Variants in GK observed in about 807,000 individuals in gnomAD.
GK encodes glycerol kinase, also known as ATP:glycerol 3-phosphotransferase.
GK carries 9 observed loss-of-function variants against 56.4 expected under a neutral mutation model. The ratio of observed to expected loss-of-function variants is 0.16; its 90% CI spans 0.10 to 0.28. GK has a LOEUF of 0.28. GK is among the 10% of genes least tolerant of loss of function. GK has a pLI of 1.00. For missense variants in GK, 161 were observed against 431.4 expected, an observed-to-expected ratio of 0.37 and a Z score of 5.55; for synonymous variants, 104 against 144.1, an observed-to-expected ratio of 0.72 and a Z score of 1.99.
chrX:30,686,033 T>A (rs1199949330), intron 4 of GK, among the ~76,000 whole-genome samples: 1 of 112,631 alleles, frequency 8.9e-6, no homozygotes, highest in Non-Finnish European at 1.9e-5. Context: ...TGATAGGTGT[T>A]CCTAGGGGAA....
At chrX:30,719,889 T>C (rs1601950140) in intron 15 of GK, 122 bp from the exon 16 acceptor site, 2 of 524,181 alleles carry the variant, frequency 3.8e-6, no homozygotes, top group African/African-American at 4.6e-5. Context: ...ACTTAATGAT[T>C]ATGTCCAATT....
At chrX:30,726,412 C>T (rs760613478) in intron 19 of GK, among the ~76,000 whole-genome samples, 40 of 108,965 alleles carry the variant, frequency 3.7e-4, no homozygotes, top group Non-Finnish European at 6.7e-4. Flanking sequence ...CTCAGCCTCC[C>T]GAGTAGCTGG....
intron 1 of GK, among the ~76,000 whole-genome samples, chrX:30,657,322 A>G (rs1030587936): frequency 1.8e-5 from 2 of 112,494 alleles, no homozygotes; most frequent in Non-Finnish European, 3.7e-5. Context: ...TATGCTTTGT[A>G]CAAGCGGAAA....
At chrX:30,701,963 T>C (rs1414482475) in intron 11 of GK, among the ~76,000 whole-genome samples, 1 of 112,373 alleles carries the variant, frequency 8.9e-6, no homozygotes, top group Admixed American at 9.4e-5. Context: ...CTGGCACTCT[T>C]TCTTTCTGTT....
At chrX:30,715,115 A>G (rs1050228838) in intron 13 of GK, among the ~76,000 whole-genome samples, 1 of 111,862 alleles carries the variant, frequency 8.9e-6, no homozygotes, top group Non-Finnish European at 1.9e-5. Context: ...AATTTAGGGT[A>G]ATCTTTACTT....
intron 4 of GK, chrX:30,678,194 T>C: frequency 2.5e-6 from 1 of 406,646 alleles, no homozygotes; most frequent in South Asian, 4.2e-5. Context: ...AAATAGAATA[T>C]TCGAATTTTA....
intron 16 of GK, among the ~76,000 whole-genome samples, chrX:30,720,398 A>G (rs1936839949): frequency 2.7e-5 from 3 of 111,278 alleles, no homozygotes; most frequent in Non-Finnish European, 3.8e-5. Context: ...TGCAAAATAG[A>G]GTTGTATAGC....
chrX:30,661,236 C>T (rs181568727), intron 1 of GK, among the ~76,000 whole-genome samples: 156 of 111,823 alleles, frequency 1.4e-3, no homozygotes, highest in African/African-American at 5.0e-3. Flanking sequence ...ATCTCCTATG[C>T]GTTCCTGTCC....
chrX:30,661,944 T>C (rs775783195), intron 1 of GK, among the ~76,000 whole-genome samples: 52 of 112,840 alleles, frequency 4.6e-4, no homozygotes, highest in South Asian at 1.1e-3. Context: ...AATTATCCTC[T>C]ACCATAGAGT....
intron 3 of GK, among the ~76,000 whole-genome samples, chrX:30,671,311 A>C (rs975262187): frequency 9.2e-6 from 1 of 108,516 alleles, no homozygotes; most frequent in African/African-American, 3.4e-5. Flanking sequence ...AAAAAAAAAA[A>C]AAAACAACAC....
At chrX:30,723,394 C>CAA (rs375486944) in intron 18 of GK, among the ~76,000 whole-genome samples, 1 of 94,148 alleles carries the variant, frequency 1.1e-5, no homozygotes, top group Non-Finnish European at 2.2e-5. Context: ...GACTCAGTCT[C>CAA]AAAAAAAAAA....
chrX:30,667,939 G>A (rs1933193606), intron 2 of GK, 73 bp from the exon 3 acceptor site: 2 of 608,614 alleles, frequency 3.3e-6, no homozygotes, highest in Non-Finnish European at 5.6e-6. Flanking sequence ...ACCCTCATAA[G>A]TTAACATTTC....
chrX:30,707,405 T>C (rs1262611667), intron 11 of GK, 151 bp from the exon 12 acceptor site: 1 of 416,214 alleles, frequency 2.4e-6, no homozygotes. Flanking sequence ...CAGGAAGATA[T>C]ATGATTTTTG....
intron 11 of GK, among the ~76,000 whole-genome samples, chrX:30,701,365 C>T (rs1365379129): frequency 2.7e-5 from 3 of 112,378 alleles, no homozygotes; most frequent in Non-Finnish European, 5.6e-5. Context: ...GCCGAGATCA[C>T]GCCATTGTAT....
In GK at chrX:30,720,904, G is replaced by A. The variant is rs778924256; in HGVS notation, c.1410G>A (p.Gly470=). ...CACTGGGTGCGGCTATGGCGGCAGG[G>A]GCTGCAGAAGGAGTCGGCGTATGGA... ...TTALGAAMAA[G]AAEGVGVWSL... is the part of the protein sequence containing the mutation. Residue 470 remains glycine (G), a synonymous_variant, in exon 18 of 21, where the codon GGG becomes GGA. Transcript: ENST00000427190. The A allele has an allele frequency of 8.3e-7, 1 of 1,211,460 alleles. No individual in the cohort carries two copies. The highest frequency in any genetic ancestry group is 3.0e-5 in the East Asian group (1 of 33,863).
chrX:30,669,849 A>G (rs1292814081), intron 3 of GK, among the ~76,000 whole-genome samples: 1 of 112,390 alleles, frequency 8.9e-6, no homozygotes, highest in Non-Finnish European at 1.9e-5. Context: ...TGTGCTAAGG[A>G]TACAATGGAG....
At chrX:30,727,588 T>G in intron 20 of GK, 36 bp downstream of exon 20, 1 of 852,396 alleles carries the variant, frequency 1.2e-6, no homozygotes, top group Non-Finnish European at 1.7e-6. Context: ...CTCTATTAGT[T>G]AGCTTTAATG....
At chrX:30,727,993 G>T (rs1022594804) in intron 20 of GK, among the ~76,000 whole-genome samples, 4 of 111,576 alleles carry the variant, frequency 3.6e-5, no homozygotes, top group African/African-American at 1.3e-4. Context: ...GCCAGAGCAT[G>T]TCCACAGAGT....
intron 4 of GK, among the ~76,000 whole-genome samples, chrX:30,685,538 A>T (rs1286350765): frequency 8.9e-6 from 1 of 112,239 alleles, no homozygotes; most frequent in African/African-American, 3.2e-5. Flanking sequence ...CGTTAAAAAA[A>T]TTCCATTATT....
Sources: gnomAD v4.1 joint callset for allele counts (sites outside exome capture counted in the v4.1 genomes callset) on GRCh38, gnomAD v4.1.1 for gene constraint, MANE v1.5 for transcripts, NCBI Gene and HGNC (gene_info 2026-07-23, HGNC 2026-07-21) for gene names.